KIF6: variants seen among roughly 807,000 people sequenced by gnomAD.
KIF6 encodes the protein kinesin-like protein KIF6.
Under a neutral mutation model 112.7 loss-of-function variants are expected in KIF6, and 106 were observed. That is an observed-to-expected ratio of 0.94 (90% CI 0.80 to 1.11). The LOEUF (loss-of-function observed/expected upper bound fraction) is 1.11. Among genes scored for constraint, KIF6 ranks in the 50% least tolerant of loss-of-function variants. The pLI, the probability that KIF6 is intolerant of heterozygous loss-of-function variation, is 0.00. For synonymous variants in KIF6, 339 were observed against 339.9 expected, an observed-to-expected ratio of 1.00 and a Z score of 0.03; for missense variants, 929 against 964.0, an observed-to-expected ratio of 0.96 and a Z score of 0.48.
intron 16 of KIF6, among the ~76,000 whole-genome samples, chr6:39,380,020 T>C (rs1179684099): frequency 6.6e-6 from 1 of 152,224 alleles, no homozygotes; most frequent in African/African-American, 2.4e-5. Flanking sequence ...GGTAAAGTAC[T>C]CAAGAAACAT....
intron 5 of KIF6, chr6:39,617,785 C>G (rs1049283263): frequency 1.1e-5 from 5 of 453,890 alleles, no homozygotes; most frequent in Non-Finnish European, 1.8e-5. Flanking sequence ...AGAGCAATGT[C>G]AAGAGCAGGT....
chr6:39,516,558 C>T (rs954423331), intron 13 of KIF6, among the ~76,000 whole-genome samples: 1 of 150,342 alleles, frequency 6.7e-6, no homozygotes, highest in Non-Finnish European at 1.5e-5. Context: ...GATCTCATAC[C>T]CACAGTTATT....
intron 7 of KIF6, among the ~76,000 whole-genome samples, chr6:39,590,951 T>C (rs1165035092): frequency 6.6e-6 from 1 of 152,224 alleles, no homozygotes; most frequent in Non-Finnish European, 1.5e-5. Context: ...CTCAGCTATA[T>C]CTTCCATGTG....
At chr6:39,458,665 TC>T (rs1773301665) in intron 13 of KIF6, among the ~76,000 whole-genome samples, 1 of 129,908 alleles carries the variant, frequency 7.7e-6, no homozygotes, top group African/African-American at 3.0e-5. Flanking sequence ...ATAAGCAACT[TC>T]AGCAAAGTCT....
At chr6:39,436,927 A>G (rs1047111600) in intron 13 of KIF6, among the ~76,000 whole-genome samples, 1 of 152,144 alleles carries the variant, frequency 6.6e-6, no homozygotes, top group Non-Finnish European at 1.5e-5. Flanking sequence ...TTTGATAGGA[A>G]TTGCACTGAA....
intron 16 of KIF6, among the ~76,000 whole-genome samples, chr6:39,383,892 G>A (rs1480047504): frequency 6.6e-6 from 1 of 152,114 alleles, no homozygotes; most frequent in Admixed American, 6.5e-5. Flanking sequence ...TGCATTCCTA[G>A]GTATTTTAAT....
intron 9 of KIF6, chr6:39,583,498 AACAG>A: frequency 2.1e-6 from 1 of 471,444 alleles, no homozygotes; most frequent in Non-Finnish European, 4.4e-6. Context: ...AGAAGAACAT[AACAG>A]ACAGCCCCAT....
chr6:39,627,404 C>G (rs532847326), intron 5 of KIF6, among the ~76,000 whole-genome samples: 1 of 152,126 alleles, frequency 6.6e-6, no homozygotes, highest in Non-Finnish European at 1.5e-5. Context: ...CTCTCTGCTA[C>G]GAGTTCCAGG....
chr6:39,346,085 T>TCTCTCTCTCTCTCTCTCTCTC lies in KIF6; in HGVS notation c.2232-297_2232-296insGAGAGAGAGAGAGAGAGAGAG, dbSNP rs1212794740. Among the ~76,000 whole-genome samples, 2 of 21,596 alleles carry TCTCTCTCTCTCTCTCTCTCTC rather than the reference T, an allele frequency of 9.3e-5. 1 individual carries two copies. The highest frequency in any genetic ancestry group is 1.6e-4 in the Non-Finnish European group (2 of 12,472). 14.2% of individuals were successfully genotyped at this position (21,596 alleles called of 152,430 possible). On this transcript the variant is annotated intron_variant, in intron 20 of 22. Transcript: ENST00000287152. ...CTCTCTCTCTCTCTCTCTCTCTCTC[T>TCTCTCTCTCTCTCTCTCTCTC]CCCCCCCCTCTCCCTCCCCCCCTCC...
At chr6:39,687,341 C>T (rs920769213) in intron 3 of KIF6, among the ~76,000 whole-genome samples, 1 of 152,126 alleles carries the variant, frequency 6.6e-6, no homozygotes, top group Non-Finnish European at 1.5e-5. Context: ...TGAATACTAA[C>T]GCCCAACATC....
At chr6:39,409,050 G>T (rs1224738767) in intron 15 of KIF6, among the ~76,000 whole-genome samples, 1 of 152,032 alleles carries the variant, frequency 6.6e-6, no homozygotes, top group Non-Finnish European at 1.5e-5. Context: ...ATGAATATGA[G>T]CAATATTCAT....
intron 5 of KIF6, among the ~76,000 whole-genome samples, chr6:39,614,004 TATTACAACTACCTTA>T (rs1783360808): frequency 6.6e-6 from 1 of 152,226 alleles, no homozygotes; most frequent in Non-Finnish European, 1.5e-5. Flanking sequence ...TACATTCCTC[TATTACAACTACCTTA>T]ATGGGCATCC....
At chr6:39,592,440 C>G (rs1782002317) in intron 7 of KIF6, among the ~76,000 whole-genome samples, 1 of 152,180 alleles carries the variant, frequency 6.6e-6, no homozygotes, top group South Asian at 2.1e-4. Context: ...ACAACACATT[C>G]AGTTGGAAAC....
chr6:39,565,654 TCAAAACAAAG>T (rs2150605630), intron 10 of KIF6, among the ~76,000 whole-genome samples: 1 of 152,258 alleles, frequency 6.6e-6, no homozygotes, highest in African/African-American at 2.4e-5. Flanking sequence ...ACCTCCTACC[TCAAAACAAAG>T]CAAAACAAAA....
intron 8 of KIF6, 61 bp from the exon 9 acceptor site, chr6:39,585,045 A>G: frequency 1.0e-6 from 1 of 964,890 alleles, no homozygotes. Flanking sequence ...CTTTCTAGAT[A>G]AAACTTATCT....
intron 13 of KIF6, among the ~76,000 whole-genome samples, chr6:39,539,488 C>A (rs544870882): frequency 6.6e-6 from 1 of 151,958 alleles, no homozygotes; most frequent in Non-Finnish European, 1.5e-5. Context: ...GGATTACAGG[C>A]GCGCACCACC....
chr6:39,387,500 G>C (rs560094649), intron 15 of KIF6, among the ~76,000 whole-genome samples: 6 of 152,168 alleles, frequency 3.9e-5, no homozygotes, highest in Admixed American at 6.5e-5. Flanking sequence ...CATAGAGAGC[G>C]TGGCAGGCAT....
intron 7 of KIF6, among the ~76,000 whole-genome samples, chr6:39,593,360 G>T (rs1266023276): frequency 6.6e-6 from 1 of 152,040 alleles, no homozygotes; most frequent in African/African-American, 2.4e-5. Flanking sequence ...TTATTCCTAT[G>T]TACCGTTTGG....
chr6:39,625,523 C>A (rs182621525), intron 5 of KIF6, among the ~76,000 whole-genome samples: 3 of 152,180 alleles, frequency 2.0e-5, no homozygotes. Flanking sequence ...ACCCCCAACT[C>A]CTCAAGAGGC....
Sources: gnomAD v4.1 joint callset for allele counts (sites outside exome capture counted in the v4.1 genomes callset) on GRCh38, gnomAD v4.1.1 for gene constraint, MANE v1.5 for transcripts, NCBI Gene and HGNC (gene_info 2026-07-23, HGNC 2026-07-21) for gene names.